Variants in LARP4B observed in about 807,000 individuals in gnomAD.
LARP4B encodes la-related protein 4B.
Under a neutral mutation model 89.8 loss-of-function variants are expected in LARP4B, and 12 were observed. That is an observed-to-expected ratio of 0.13 (90% CI 0.09 to 0.22). LARP4B has a LOEUF of 0.22. LARP4B is among the 10% of genes least tolerant of loss of function. The pLI, the probability that LARP4B is intolerant of heterozygous loss-of-function variation, is 1.00. For synonymous variants in LARP4B, 367 were observed against 363.3 expected, an observed-to-expected ratio of 1.01 and a Z score of -0.12; for missense variants, 757 against 947.7, an observed-to-expected ratio of 0.80 and a Z score of 2.64.
chr10:966,856 A>G, the LARP4B span, among the ~76,000 whole-genome samples: 1 of 151,978 alleles, frequency 6.6e-6, no homozygotes, highest in Admixed American at 6.5e-5. Context: ...TGATGCCTGG[A>G]GAAGGTGTGT....
In LARP4B at chr10:817,838, C is replaced by T; in HGVS notation, c.1582G>A (p.Glu528Lys). 2 of 1,614,102 alleles carry T rather than the reference C, an allele frequency of 1.2e-6. No individual in the cohort carries two copies. Among genetic ancestry groups the T allele is most frequent in the South Asian group, 1.1e-5 (1 of 91,070 alleles). The change falls in exon 15 of 18, where the codon GAG becomes AAG. Residue 528 changes from glutamate (E) to lysine (K), a missense_variant. Physicochemically the swap from Glu to Lys is moderately conservative, Grantham distance 56. Around this residue, in one of 5 missense-constraint regions of LARP4B, gnomAD observed 387 missense variants for 423.6 expected, o/e 0.91. Transcript: ENST00000316157. Reference sequence around the variant, plus strand: ...GGAGGGAAGCTGGACAGCCCCAGCTCGAAGCTTGGCGACGGAGGCTTTGGT... The same window carrying T: ...GGAGGGAAGCTGGACAGCCCCAGCTTGAAGCTTGGCGACGGAGGCTTTGGT... ...TPPKPPSPSF[E>K]LGLSSFPPLP...
intron 1 of LARP4B, among the ~76,000 whole-genome samples, chr10:921,280 A>G (rs1474845773): frequency 6.6e-6 from 1 of 152,268 alleles, no homozygotes; most frequent in East Asian, 1.9e-4. Flanking sequence ...TCTCAAAAAA[A>G]AAAAGAAAAA....
chr10:974,866 C>T, the LARP4B span, among the ~76,000 whole-genome samples: 823 of 152,362 alleles, frequency 5.4e-3, 15 homozygotes, highest in East Asian at 0.073. Flanking sequence ...GTTGCACAGA[C>T]GCTCAAGCCT....
At chr10:932,679 A>T (rs952854336), upstream of LARP4B, among the ~76,000 whole-genome samples, 1 of 36,256 alleles carries the variant, frequency 2.8e-5, no homozygotes, top group African/African-American at 1.1e-4. Context: ...AGGCCCCGGC[A>T]CTGCCCCGAA....
chr10:885,567 T>A lies in LARP4B; in HGVS notation c.81+74A>T, dbSNP rs574566653. On this transcript the variant is annotated intron_variant, in intron 2 of 17. Coordinates refer to ENST00000316157, the MANE Select transcript of LARP4B (RefSeq NM_015155.3). ...TGCCAGTGTTCCTGTTTAGAACTCC[T>A]TACTAACTCCAATATAGAGTCCTTT... The A allele has an allele frequency of 4.7e-6, 5 of 1,070,688 alleles. No individual in the cohort carries two copies. In the African/African-American group the frequency reaches 6.3e-5, roughly 14 times the overall value. The allele number at this position is 1,070,688 out of a possible 1,614,324, so 66.3% of individuals were successfully genotyped here.
At chr10:825,626 G>A in intron 12 of LARP4B, 138 bp downstream of exon 12, 1 of 659,192 alleles carries the variant, frequency 1.5e-6, no homozygotes, top group Non-Finnish European at 2.6e-6. Context: ...GTAGTGCTTA[G>A]TCTTTACAGA....
At chr10:871,070 G>A (rs1191421675) in intron 3 of LARP4B, among the ~76,000 whole-genome samples, 1 of 152,182 alleles carries the variant, frequency 6.6e-6, no homozygotes, top group Non-Finnish European at 1.5e-5. Flanking sequence ...CTCATAGGTT[G>A]TTTTAGAATC....
chr10:873,031 C>T, intron 3 of LARP4B: 1 of 985,384 alleles, frequency 1.0e-6, no homozygotes. Context: ...ATAATGAAGA[C>T]AAAGTTTTAC....
At chr10:842,707 A>G (rs372798247) in intron 7 of LARP4B, among the ~76,000 whole-genome samples, 28 of 152,172 alleles carry the variant, frequency 1.8e-4, no homozygotes, top group African/African-American at 6.0e-4. Flanking sequence ...CATATGTCCC[A>G]AAACTTGTTT....
chr10:807,858 C>G (rs984875505), downstream of LARP4B: 1 of 152,364 alleles, frequency 6.6e-6, no homozygotes, highest in Non-Finnish European at 1.5e-5. Context: ...CCTGCTGTCC[C>G]TCCTCTCCGT....
intron 1 of LARP4B, among the ~76,000 whole-genome samples, chr10:904,774 C>T (rs1836443932): frequency 6.6e-6 from 1 of 152,104 alleles, no homozygotes; most frequent in Non-Finnish European, 1.5e-5. Context: ...CATTTCCTCA[C>T]TGTATTAATG....
chr10:976,541 G>A, the LARP4B span, among the ~76,000 whole-genome samples: 1 of 149,570 alleles, frequency 6.7e-6, no homozygotes. Flanking sequence ...CGGCCTAGTA[G>A]AAGGTAGGTG....
intron 5 of LARP4B, among the ~76,000 whole-genome samples, chr10:856,267 A>G (rs780046172): frequency 6.6e-6 from 1 of 152,216 alleles, no homozygotes; most frequent in Non-Finnish European, 1.5e-5. Context: ...ATAACTATCA[A>G]AAGTGAGTAA....
intron 1 of LARP4B, among the ~76,000 whole-genome samples, chr10:918,905 T>A (rs1403960034): frequency 1.3e-5 from 2 of 151,138 alleles, no homozygotes; most frequent in Non-Finnish European, 2.9e-5. Flanking sequence ...TGAAACCCCA[T>A]CTCTAATAAA....
At chr10:840,239 T>G (rs1833457549) in intron 7 of LARP4B, among the ~76,000 whole-genome samples, 1 of 152,158 alleles carries the variant, frequency 6.6e-6, no homozygotes. Context: ...ATTTATGGTA[T>G]GTAAATTCTA....
At chr10:921,076 G>A (rs540803998) in intron 1 of LARP4B, among the ~76,000 whole-genome samples, 1 of 152,040 alleles carries the variant, frequency 6.6e-6, no homozygotes, top group South Asian at 2.1e-4. Context: ...GAGTTCGAGA[G>A]CAGCCTGACC....
chr10:904,776 G>C (rs185374024), intron 1 of LARP4B, among the ~76,000 whole-genome samples: 20 of 152,178 alleles, frequency 1.3e-4, no homozygotes, highest in African/African-American at 3.9e-4. Flanking sequence ...TTTCCTCACT[G>C]TATTAATGCT....
At chr10:906,014 A>T (rs1836482960) in intron 1 of LARP4B, among the ~76,000 whole-genome samples, 1 of 152,252 alleles carries the variant, frequency 6.6e-6, no homozygotes, top group African/African-American at 2.4e-5. Flanking sequence ...AAGAAATAGT[A>T]AATCAAATGG....
intron 3 of LARP4B, among the ~76,000 whole-genome samples, chr10:872,757 C>T (rs929109000): frequency 1.9e-4 from 29 of 152,284 alleles, no homozygotes; most frequent in African/African-American, 6.3e-4. Flanking sequence ...TGTCGGCTGC[C>T]GTTACCCACA....
Sources: gnomAD v4.1 joint callset for allele counts (sites outside exome capture counted in the v4.1 genomes callset) on GRCh38, gnomAD v4.1.1 for gene constraint, gnomAD v4.1.1 regional missense constraint, MANE v1.5 for transcripts, NCBI Gene and HGNC (gene_info 2026-07-23, HGNC 2026-07-21) for gene names.